The following RBM25 variants were observed in gnomAD, a reference collection of about 807,000 sequenced individuals.
RBM25 encodes RNA-binding protein 25.
In RBM25, 19 loss-of-function variants were observed where a neutral mutation model predicts 120.7. The ratio of observed to expected loss-of-function variants is 0.16; its 90% CI spans 0.11 to 0.23. RBM25 has a LOEUF of 0.23. Among genes scored for constraint, RBM25 ranks in the 10% least tolerant of loss-of-function variants. The probability of loss-of-function intolerance (pLI) is 1.00; values close to 1 mark genes in which losing one functional copy is unlikely to be tolerated. For synonymous variants in RBM25, 390 were observed against 326.7 expected, an observed-to-expected ratio of 1.19 and a Z score of -2.09; for missense variants, 605 against 1,041.5, an observed-to-expected ratio of 0.58 and a Z score of 5.77.
chr14:73,071,071 G>A (rs1353424415), intron 1 of RBM25, among the ~76,000 whole-genome samples: 3 of 151,210 alleles, frequency 2.0e-5, no homozygotes, highest in Admixed American at 6.6e-5. Flanking sequence ...GTGAAACCCC[G>A]TCTCTACTGA....
In RBM25 at chr14:73,111,535, C is replaced by T. The variant is rs1469117945; in HGVS notation, c.2025C>T (p.Ser675=). The stretch of plus-strand genomic sequence containing the variant: ...AGAGTGTTTTTACTGTAGGTGCTTC[C>T]AATAGTCCTGGTCAGCCTAATTCTG... ...KIGLSLKLGA[S]NSPGQPNSVK... Residue 675 remains serine (S), a synonymous_variant, in exon 16 of 19, where the codon TCC becomes TCT. Coordinates refer to ENST00000261973, the MANE Select transcript of RBM25 (RefSeq NM_021239.3). 1 of 1,597,260 alleles carries T rather than the reference C, an allele frequency of 6.3e-7. No individual in the cohort carries two copies. The highest frequency in any genetic ancestry group is 8.5e-7 in the Non-Finnish European group (1 of 1,174,384).
At chr14:73,076,014 A>C (rs1482524437) in intron 2 of RBM25, among the ~76,000 whole-genome samples, 2 of 152,174 alleles carry the variant, frequency 1.3e-5, no homozygotes, top group African/African-American at 2.4e-5. Context: ...TGTGAAAGGC[A>C]TTGGTTTTGA....
intron 1 of RBM25, chr14:73,068,268 C>T (rs1895190124): frequency 2.4e-6 from 2 of 839,164 alleles, no homozygotes; most frequent in East Asian, 5.1e-5. Context: ...ATTTAGACCC[C>T]AATAGATTTG....
chr14:73,105,191 T>TC (rs1004259893), intron 10 of RBM25, among the ~76,000 whole-genome samples: 4 of 145,824 alleles, frequency 2.7e-5, no homozygotes, highest in Admixed American at 1.4e-4. Flanking sequence ...CACTGTAAGC[T>TC]CCAAGTCCTG....
In RBM25 at chr14:73,111,627, T is replaced by A; in HGVS notation, c.2117T>A (p.Val706Glu). The A allele has an allele frequency of 6.2e-7, 1 of 1,614,158 alleles. No individual in the cohort carries two copies. Residue 706 changes from valine to glutamate, a missense_variant, in exon 16 of 19, where the codon GTA becomes GAA. This residue lies in a region of RBM25 where 465 missense variants were observed against 741.6 expected (regional missense o/e 0.63). Transcript: ENST00000261973. ...TTTGAGGATGAAGACAGTGATGACG[T>A]ACCCCGAAAAAGGAAACTGGTTCCC... is the stretch of plus-strand genomic sequence containing the variant. ...NKFEDEDSDD[V>E]PRKRKLVPLD...
chr14:73,076,421 A>G (rs1299117900), intron 3 of RBM25, 53 bp downstream of exon 3: 2 of 1,463,034 alleles, frequency 1.4e-6, no homozygotes, highest in South Asian at 1.1e-5. Context: ...TAGTGCTTTT[A>G]AGCTGAACAG....
At chr14:73,081,128 T>C (rs954428687) in intron 4 of RBM25, among the ~76,000 whole-genome samples, 4 of 151,686 alleles carry the variant, frequency 2.6e-5, no homozygotes, top group Non-Finnish European at 5.9e-5. Context: ...TAGTCCATTT[T>C]CTTATTTTAA....
Position 73,112,134 on chromosome 14 carries a change from C to T in RBM25, c.2293-18C>T, listed in dbSNP as rs759035823. The T allele has an allele frequency of 4.1e-5, 65 of 1,574,706 alleles. No individual in the cohort carries two copies. In the South Asian group the frequency reaches 7.4e-4, roughly 18 times the overall value. On this transcript the variant is annotated intron_variant, in intron 16 of 18. Coordinates refer to ENST00000261973, the MANE Select transcript of RBM25 (RefSeq NM_021239.3). ...AAGTTACAATTCTTTAATTCAGTAACCGTGGTTTGTTTTGCAGATACTGAT... is the reference window on the plus strand; with the variant it reads ...AAGTTACAATTCTTTAATTCAGTAATCGTGGTTTGTTTTGCAGATACTGAT...
rs1014620149 is a variant in RBM25, at chr14:73,060,382, A to G, written c.-16+1677A>G. 4.6e-5 allele frequency among the ~76,000 whole-genome samples: 7 copies of G among 151,476 alleles called. 1 individual carries two copies. The highest frequency in any genetic ancestry group is 1.0e-4 in the Non-Finnish European group (7 of 67,620). On this transcript the variant is annotated intron_variant, in intron 1 of 18. Coordinates refer to ENST00000261973, the MANE Select transcript of RBM25 (RefSeq NM_021239.3). The stretch of plus-strand genomic sequence containing the variant: ...AAACTAGTCCATGTTAACATTGGGT[A>G]ACTACTTCAGACCTAACAGGAATTT...
At chr14:73,097,191 C>CTTTTTTTTTTTTTTTTTTT (rs202085217) in intron 7 of RBM25, 91 bp downstream of exon 7, 2 of 367,920 alleles carry the variant, frequency 5.4e-6, no homozygotes, top group African/African-American at 5.6e-5. Context: ...TTTCTTTTTT[C>CTTTTTTTTTTTTTTTTTTT]TTTTCTTTTT....
intron 6 of RBM25, among the ~76,000 whole-genome samples, chr14:73,095,032 A>G (rs768394013): frequency 1.3e-4 from 18 of 142,480 alleles, no homozygotes; most frequent in Non-Finnish European, 2.3e-4. Context: ...AATTTTTTGT[A>G]TTTTTGGTAG....
chr14:73,105,934 A>ACGGGAG lies in RBM25; in HGVS notation c.1233_1238dup (p.Arg425_Glu426dup). On this transcript the variant is annotated inframe_insertion, in exon 11 of 19. Coordinates refer to ENST00000261973, the MANE Select transcript of RBM25 (RefSeq NM_021239.3). Reference sequence around the variant, plus strand: ...AGAGAGAACGAGAGCGAGAACGAGAACGGGAGCGAGAGAGAGAGCGAGAGA... The same window carrying ACGGGAG: ...AGAGAGAACGAGAGCGAGAACGAGAACGGGAGCGGGAGCGAGAGAGAGAGCGAGAGA... 5 of 1,612,490 alleles carry ACGGGAG rather than the reference A, an allele frequency of 3.1e-6. No individual in the cohort carries two copies. Among genetic ancestry groups the ACGGGAG allele is most frequent in the Non-Finnish European group, 4.2e-6 (5 of 1,179,162 alleles).
intron 2 of RBM25, among the ~76,000 whole-genome samples, chr14:73,073,173 C>G (rs1343409031): frequency 6.6e-6 from 1 of 152,124 alleles, no homozygotes; most frequent in African/African-American, 2.4e-5. Context: ...AAGGTATACT[C>G]CTGCCTCAGC....
At chr14:73,097,865 T>C (rs773125653) in intron 7 of RBM25, among the ~76,000 whole-genome samples, 6 of 152,222 alleles carry the variant, frequency 3.9e-5, no homozygotes, top group Non-Finnish European at 7.3e-5. Context: ...TGCTACCTCT[T>C]TGTGGCCCTA....
chr14:73,120,908 A>G lies in RBM25; in HGVS notation c.*1103A>G, dbSNP rs1193785866. 4 of 152,204 alleles carry G rather than the reference A, an allele frequency of 2.6e-5. No individual in the cohort carries two copies. Among genetic ancestry groups the G allele is most frequent in the African/African-American group, 9.6e-5 (4 of 41,464 alleles). The allele number at this position is 152,204 out of a possible 1,614,324, so 9.4% of individuals were successfully genotyped here. On this transcript the variant is annotated 3_prime_UTR_variant, in exon 19 of 19. Transcript: ENST00000261973. ...AAATCATTCAAGGCAGTTACCAACC[A>G]CTAACTATTTGTTTTCATTTTTGTC...
intron 1 of RBM25, chr14:73,069,705 A>G (rs988797797): frequency 7.9e-6 from 1 of 127,188 alleles, no homozygotes; most frequent in African/African-American, 2.9e-5. Flanking sequence ...AAGTGTTGGG[A>G]TTACAGGCAT....
intron 18 of RBM25, among the ~76,000 whole-genome samples, chr14:73,114,710 A>G (rs1896386601): frequency 1.3e-5 from 2 of 152,182 alleles, no homozygotes; most frequent in African/African-American, 4.8e-5. Flanking sequence ...CCTGGCCAGC[A>G]TGGTGAAACC....
At chr14:73,099,335 C>T (rs376034509) in intron 7 of RBM25, 45 bp from the exon 8 acceptor site, 6 of 1,554,800 alleles carry the variant, frequency 3.9e-6, no homozygotes, top group South Asian at 1.2e-5. Context: ...AGTATGAGCT[C>T]TGTTTTTCTT....
chr14:73,097,204 T>TC lies in RBM25; in HGVS notation c.729+104_729+105insC, dbSNP rs1895964698. 2.4e-5 allele frequency: 18 copies of TC among 744,836 alleles called. No individual in the cohort carries two copies. The African/African-American group carries it at 2.9e-4, about 12-fold the overall frequency. 46.1% of individuals were successfully genotyped at this position (744,836 alleles called of 1,614,324 possible). The stretch of plus-strand genomic sequence containing the variant: ...GTTTTCTTTTTTCTTTTCTTTTTTT[T>TC]TTTTTTTTTTTTTTGAGATGGAGGC... On this transcript the variant is annotated intron_variant, in intron 7 of 18. Transcript: ENST00000261973.
Sources: gnomAD v4.1 joint callset for allele counts (sites outside exome capture counted in the v4.1 genomes callset) on GRCh38, gnomAD v4.1.1 for gene constraint, gnomAD v4.1.1 regional missense constraint, MANE v1.5 for transcripts, NCBI Gene and HGNC (gene_info 2026-07-23, HGNC 2026-07-21) for gene names.